The following TYW1 variants were observed in gnomAD, a reference collection of about 807,000 sequenced individuals.
The protein encoded by TYW1 is tRNA-yW synthesizing protein 1 homolog.
Under a neutral mutation model 96.2 loss-of-function variants are expected in TYW1, and 46 were observed. That is an observed-to-expected ratio of 0.48 (90% CI 0.38 to 0.61). The LOEUF (loss-of-function observed/expected upper bound fraction) is 0.61. Among genes scored for constraint, TYW1 ranks in the 20% least tolerant of loss-of-function variants. TYW1 has a pLI of 0.00. For synonymous variants in TYW1, 274 were observed against 323.0 expected, an observed-to-expected ratio of 0.85 and a Z score of 1.63; for missense variants, 684 against 909.6, an observed-to-expected ratio of 0.75 and a Z score of 3.19.
chr7:67,035,309 G>C (rs533207922), intron 7 of TYW1, among the ~76,000 whole-genome samples: 1 of 152,022 alleles, frequency 6.6e-6, no homozygotes, highest in African/African-American at 2.4e-5. Context: ...TAGAGATGGG[G>C]TTTCACCATG....
At chr7:67,111,198 T>C (rs1273320025) in intron 12 of TYW1, among the ~76,000 whole-genome samples, 1 of 152,012 alleles carries the variant, frequency 6.6e-6, no homozygotes, top group East Asian at 1.9e-4. Flanking sequence ...CAGGAAAGCA[T>C]TTTCTTATCC....
chr7:67,112,617 T>TAA (rs59148915), intron 12 of TYW1, among the ~76,000 whole-genome samples: 38 of 142,342 alleles, frequency 2.7e-4, no homozygotes, highest in African/African-American at 4.1e-4. Flanking sequence ...CTCTTGTCTT[T>TAA]AAAAAAAAAA....
chr7:67,024,607 C>G (rs1418264846), intron 6 of TYW1, among the ~76,000 whole-genome samples: 1 of 151,886 alleles, frequency 6.6e-6, no homozygotes, highest in Non-Finnish European at 1.5e-5. Flanking sequence ...ATGGTGAAAC[C>G]CTGTCTCTAC....
intron 6 of TYW1, among the ~76,000 whole-genome samples, chr7:67,019,433 G>T (rs1040326410): frequency 6.6e-6 from 1 of 151,786 alleles, no homozygotes; most frequent in Non-Finnish European, 1.5e-5. Context: ...CCTGACCTCA[G>T]GTGATCTGCC....
intron 9 of TYW1, among the ~76,000 whole-genome samples, chr7:67,056,240 C>A (rs1795512080): frequency 6.6e-6 from 1 of 152,172 alleles, no homozygotes; most frequent in Non-Finnish European, 1.5e-5. Flanking sequence ...CGCCTGTAAT[C>A]CTAGCACTTT....
intron 7 of TYW1, among the ~76,000 whole-genome samples, chr7:67,049,110 G>A (rs557350143): frequency 6.6e-6 from 1 of 152,218 alleles, no homozygotes; most frequent in African/African-American, 2.4e-5. Context: ...GTGGCTTAGA[G>A]TACTTTTTTC....
intron 15 of TYW1, among the ~76,000 whole-genome samples, chr7:67,213,040 T>A (rs1055181164): frequency 1.3e-5 from 2 of 151,878 alleles, no homozygotes; most frequent in African/African-American, 4.8e-5. Flanking sequence ...CCCAGCTAAT[T>A]TTTTGTATTT....
At chr7:67,159,715 C>A (rs1485061588) in intron 13 of TYW1, among the ~76,000 whole-genome samples, 1 of 152,056 alleles carries the variant, frequency 6.6e-6, no homozygotes, top group East Asian at 1.9e-4. Flanking sequence ...ATCATTTAGC[C>A]ATGCTGTATG....
intron 13 of TYW1, among the ~76,000 whole-genome samples, chr7:67,170,552 G>C (rs143843650): frequency 0.064 from 9,666 of 152,180 alleles, 423 homozygotes; most frequent in South Asian, 0.11. Context: ...CATGAACAAC[G>C]AAGTGGCATT....
chr7:67,025,707 A>G (rs1440012627), intron 7 of TYW1, among the ~76,000 whole-genome samples: 1 of 152,170 alleles, frequency 6.6e-6, no homozygotes, highest in Non-Finnish European at 1.5e-5. Flanking sequence ...GATGAATGTG[A>G]GAATGTACGA....
chr7:67,004,142 C>T (rs954137749), intron 3 of TYW1, among the ~76,000 whole-genome samples: 1 of 152,162 alleles, frequency 6.6e-6, no homozygotes, highest in Non-Finnish European at 1.5e-5. Flanking sequence ...ACATAAGTAA[C>T]TCCATGTTGT....
In TYW1 at chr7:66,998,115, A is replaced by T; in HGVS notation, c.55A>T (p.Ile19Leu). 1 of 1,612,322 alleles carries T rather than the reference A, an allele frequency of 6.2e-7. No homozygotes were observed. Among genetic ancestry groups the T allele is most frequent in the Non-Finnish European group, 8.5e-7 (1 of 1,179,612 alleles). ...DLFSPLISLW[I>L]NRFYIYLGFA... is the part of the protein sequence containing the mutation. ...CTTCTCACCTTTAATATCATTATGG[A>T]TAAACAGGTTTTACATTTATTTGGG... Residue 19 changes from isoleucine to leucine, a missense_variant, in exon 2 of 16, where the codon ATA (isoleucine) becomes TTA (leucine). Transcript: ENST00000359626.
At chr7:67,114,823 CTT>C (rs10579991) in intron 12 of TYW1, among the ~76,000 whole-genome samples, 6,085 of 152,226 alleles carry the variant, frequency 0.04, 175 homozygotes, top group Middle Eastern at 0.1. Context: ...CCAAAAGTCT[CTT>C]TGCTAATTTT....
At chr7:67,171,967 C>T (rs1348222243) in intron 13 of TYW1, among the ~76,000 whole-genome samples, 1 of 152,098 alleles carries the variant, frequency 6.6e-6, no homozygotes, top group Non-Finnish European at 1.5e-5. Context: ...CTGCTTCCAT[C>T]TGAAGGACTT....
chr7:67,021,080 G>T (rs1175041190), intron 6 of TYW1, among the ~76,000 whole-genome samples: 1 of 152,282 alleles, frequency 6.6e-6, no homozygotes, highest in Admixed American at 6.5e-5. Flanking sequence ...CCAACTTTGT[G>T]CTCACCTGTT....
chr7:67,167,642 C>G (rs979280985), intron 13 of TYW1, among the ~76,000 whole-genome samples: 1 of 151,470 alleles, frequency 6.6e-6, no homozygotes, highest in South Asian at 2.1e-4. Flanking sequence ...TGATTCAATG[C>G]TGTTTATTTT....
At chr7:67,099,712 A>T (rs1276570208) in intron 12 of TYW1, among the ~76,000 whole-genome samples, 1 of 152,160 alleles carries the variant, frequency 6.6e-6, no homozygotes, top group African/African-American at 2.4e-5. Flanking sequence ...CTTAAAAAAG[A>T]TGCTGTTAAG....
At chr7:67,128,206 G>A (rs1797960759) in intron 13 of TYW1, among the ~76,000 whole-genome samples, 2 of 151,990 alleles carry the variant, frequency 1.3e-5, no homozygotes, top group African/African-American at 4.8e-5. Flanking sequence ...TTATCCCACA[G>A]CTCCTGAATA....
intron 15 of TYW1, among the ~76,000 whole-genome samples, chr7:67,214,792 T>G (rs1175447094): frequency 7.0e-6 from 1 of 143,454 alleles, no homozygotes; most frequent in East Asian, 1.9e-4. Context: ...CCTATTGATA[T>G]GACAGATTAC....
Sources: gnomAD v4.1 joint callset for allele counts (sites outside exome capture counted in the v4.1 genomes callset) on GRCh38, gnomAD v4.1.1 for gene constraint, MANE v1.5 for transcripts, NCBI Gene and HGNC (gene_info 2026-07-23, HGNC 2026-07-21) for gene names.